TRIM38: variants seen among roughly 807,000 people sequenced by gnomAD.
The protein encoded by TRIM38 is tripartite motif containing 38, also known as E3 ubiquitin-protein ligase TRIM38.
A neutral mutation model predicts 35.8 loss-of-function variants in TRIM38; 35 were observed. The ratio of observed to expected loss-of-function variants is 0.98; its 90% CI spans 0.75 to 1.30. The LOEUF (loss-of-function observed/expected upper bound fraction) is 1.30. Ranked by LOEUF, TRIM38 falls within the 50% of genes most tolerant of loss-of-function variation. The pLI is 0.00. For missense variants in TRIM38, 545 were observed against 556.9 expected (o/e 0.98, Z 0.21); for synonymous variants, 198 against 204.7 (o/e 0.97, Z 0.28).
At chr6:25,981,088 A>G (rs1394966161) in intron 7 of TRIM38, among the ~76,000 whole-genome samples, 1 of 152,264 alleles carries the variant, frequency 6.6e-6, no homozygotes, top group African/African-American at 2.4e-5. Flanking sequence ...ACCCAGAACT[A>G]GGAACAGTTA....
In TRIM38 at chr6:25,990,003, T is replaced by G. The variant is rs1017339135; in HGVS notation, c.*6316T>G. ...ATGGCTTTCAATATTGTCTACTTTA[T>G]CATCCTTTTTTTTTTTTTCTTTCTT... is the stretch of plus-strand genomic sequence containing the variant. On this transcript the variant is annotated 3_prime_UTR_variant, in exon 8 of 8. Transcript: ENST00000357085. 6.9e-6 allele frequency: 1 copy of G among 145,138 alleles called. No individual in the cohort carries two copies. The highest frequency in any genetic ancestry group is 1.5e-5 in the Non-Finnish European group (1 of 66,072). 9.0% of individuals were successfully genotyped at this position (145,138 alleles called of 1,614,324 possible). A position where few individuals can be genotyped will look rare whatever the true frequency, so the allele number is the denominator to read the frequency against.
rs141368509 is a variant in TRIM38, at chr6:25,972,033, T to C, written c.672T>C (p.Asn224=). Residue 224 remains asparagine (N), a synonymous_variant, in exon 5 of 8, where the codon AAT becomes AAC. Coordinates refer to ENST00000357085, the MANE Select transcript of TRIM38 (RefSeq NM_006355.5). ...DYEAGLGLKS[N]ELKSHILELE... ...AGGCTGGTCTGGGGCTGAAGAGCAA[T>C]GAACTCAAGAGCCACATCCTGGAAC... The C allele has an allele frequency of 3.7e-5, 60 of 1,613,924 alleles. No individual in the cohort carries two copies. In the East Asian group the frequency reaches 1.3e-3, roughly 35 times the overall value.
At chr6:25,972,217 C>A in intron 5 of TRIM38, 118 bp downstream of exon 5, 1 of 900,638 alleles carries the variant, frequency 1.1e-6, no homozygotes, top group Non-Finnish European at 1.7e-6. Flanking sequence ...TCAGTGCCAT[C>A]AGGCTGGCCT....
Position 25,966,337 on chromosome 6 carries a change from C to T in TRIM38, c.-186C>T. ...CAGCCTCAACTTCTTCCTTTTAGGTCCTCTTTTCTTCAATACAAAATGAGA... is the reference window on the plus strand; with the variant it reads ...CAGCCTCAACTTCTTCCTTTTAGGTTCTCTTTTCTTCAATACAAAATGAGA... On this transcript the variant is annotated splice_region_variant and 5_prime_UTR_variant, in exon 3 of 8. Transcript: ENST00000357085. The T allele has an allele frequency of 1.7e-6, 1 of 586,190 alleles. No homozygotes were observed. The highest frequency in any genetic ancestry group is 3.8e-5 in the South Asian group (1 of 26,016). The allele number at this position is 586,190 out of a possible 1,614,324, so 36.3% of individuals were successfully genotyped here.
intron 7 of TRIM38, among the ~76,000 whole-genome samples, chr6:25,977,769 A>G (rs573007984): frequency 6.6e-6 from 1 of 152,274 alleles, no homozygotes; most frequent in South Asian, 2.1e-4. Context: ...TTTAGCTGTC[A>G]TCTTTGCTCT....
chr6:25,979,217 C>G (rs1760481033), intron 7 of TRIM38, among the ~76,000 whole-genome samples: 1 of 151,878 alleles, frequency 6.6e-6, no homozygotes, highest in Non-Finnish European at 1.5e-5. Context: ...TGCAGGAGTT[C>G]TATATCTATG....
Position 25,983,193 on chromosome 6 carries a change from C to G in TRIM38, c.904C>G (p.His302Asp). ...TGTGACTCTGGATCCAGATACAGCT[C>G]ATCACGAACTAATTCTCTCTGAGGA... Reference protein sequence around the residue: ...VSVTLDPDTAHHELILSEDRR... With the variant: ...VSVTLDPDTADHELILSEDRR... Residue 302 changes from histidine to aspartate, a missense_variant, in exon 8 of 8, where the codon CAT becomes GAT. Coordinates refer to ENST00000357085, the MANE Select transcript of TRIM38 (RefSeq NM_006355.5). 2 of 1,606,798 alleles carry G rather than the reference C, an allele frequency of 1.2e-6. No homozygotes were observed. The highest frequency in any genetic ancestry group is 1.7e-6 in the Non-Finnish European group (2 of 1,176,558).
intron 7 of TRIM38, among the ~76,000 whole-genome samples, chr6:25,978,843 T>G (rs958329991): frequency 5.4e-4 from 82 of 152,272 alleles, no homozygotes; most frequent in African/African-American, 1.8e-3. Context: ...ATTTTTCATA[T>G]TTTTTGTAGA....
chr6:25,965,922 TA>T (rs746283264), intron 2 of TRIM38, among the ~76,000 whole-genome samples: 732 of 129,062 alleles, frequency 5.7e-3, no homozygotes, highest in African/African-American at 5.5e-3. Context: ...TCCGTCTCAT[TA>T]AAAAAAAAAA....
In TRIM38 at chr6:25,989,265, GTATTCTTTGTA is replaced by G. The variant is rs1760789688; in HGVS notation, c.*5585_*5595del. The G allele has an allele frequency of 6.6e-6, 1 of 152,124 alleles. No homozygotes were observed. The highest frequency in any genetic ancestry group is 1.5e-5 in the Non-Finnish European group (1 of 68,018). The allele number at this position is 152,124 out of a possible 1,614,324, so 9.4% of individuals were successfully genotyped here. Reference sequence around the variant, plus strand: ...TTATTTTCTTACTGTTGAGTTTTAAGTATTCTTTGTATATTCTAAAAATATTGTTCTTCATC... The same window carrying G: ...TTATTTTCTTACTGTTGAGTTTTAAGTATTCTAAAAATATTGTTCTTCATC... On this transcript the variant is annotated 3_prime_UTR_variant, in exon 8 of 8. Transcript: ENST00000357085.
intron 7 of TRIM38, among the ~76,000 whole-genome samples, chr6:25,980,099 T>C (rs961688556): frequency 6.6e-6 from 1 of 152,230 alleles, no homozygotes; most frequent in African/African-American, 2.4e-5. Context: ...GTTCCATCTA[T>C]ACCTGAGAAA....
chr6:25,971,724 T>C, intron 4 of TRIM38, 145 bp from the exon 5 acceptor site: 3 of 686,046 alleles, frequency 4.4e-6, no homozygotes, highest in Non-Finnish European at 7.3e-6. Context: ...ATATTTGCCC[T>C]TTTGTTTCTG....
chr6:25,972,524 G>A (rs1460736741), intron 5 of TRIM38, among the ~76,000 whole-genome samples: 1 of 152,194 alleles, frequency 6.6e-6, no homozygotes, highest in African/African-American at 2.4e-5. Context: ...AACATCTGGA[G>A]CCATTAATTC....
At chr6:25,983,080 C>T in intron 7 of TRIM38, 84 bp from the exon 8 acceptor site, 1 of 1,370,074 alleles carries the variant, frequency 7.3e-7, no homozygotes, top group East Asian at 2.4e-5. Context: ...CAGCAACACT[C>T]CATCTCAAAA....
At chr6:25,967,074 T>C in intron 3 of TRIM38, 141 bp downstream of exon 3, 1 of 971,290 alleles carries the variant, frequency 1.0e-6, no homozygotes, top group Non-Finnish European at 1.5e-6. Flanking sequence ...AAATAGTTTA[T>C]GATGATTTCT....
At chr6:25,974,920 C>T in intron 7 of TRIM38, 1 of 985,362 alleles carries the variant, frequency 1.0e-6, no homozygotes, top group Non-Finnish European at 1.2e-6. Context: ...GAAGGAAGAA[C>T]AAGACTTTGT....
Position 25,965,051 on chromosome 6 carries a change from G to A in TRIM38, c.-188-1284G>A, listed in dbSNP as rs1002133377. Among the ~76,000 whole-genome samples the A allele has an allele frequency of 3.3e-5, 5 of 152,176 alleles. No individual in the cohort carries two copies. In the East Asian group the frequency reaches 9.6e-4, roughly 29 times the overall value. On this transcript the variant is annotated intron_variant, in intron 2 of 7. Transcript: ENST00000357085. ...TGGTCTCAAACTCCTGACCTCAGGT[G>A]ATCTGCCCGCCTCGGCTTCCCAAAG...
In TRIM38 at chr6:25,987,574, A is replaced by G. The variant is rs1760749204; in HGVS notation, c.*3887A>G. Reference sequence around the variant, plus strand: ...TGAATGTGAGAGTTTCTACATATGCATTGTGGGAAACACAAACATTTACTT... The same window carrying G: ...TGAATGTGAGAGTTTCTACATATGCGTTGTGGGAAACACAAACATTTACTT... On this transcript the variant is annotated 3_prime_UTR_variant, in exon 8 of 8. Transcript: ENST00000357085. 1 of 152,216 alleles carries G rather than the reference A, an allele frequency of 6.6e-6. No individual in the cohort carries two copies. 9.4% of individuals were successfully genotyped at this position (152,216 alleles called of 1,614,324 possible).
rs755754975 is a variant in TRIM38, at chr6:25,969,317, T to A, written c.412-8T>A. On this transcript the variant is annotated splice_polypyrimidine_tract_variant and splice_region_variant and intron_variant, in intron 3 of 7. Coordinates refer to ENST00000357085, the MANE Select transcript of TRIM38 (RefSeq NM_006355.5). Reference sequence around the variant, plus strand: ...GAATAGGCTTCACTTATCAAATTTTTCCTTCAGGAAAAGCTCCAGAAAGCT... The same window carrying A: ...GAATAGGCTTCACTTATCAAATTTTACCTTCAGGAAAAGCTCCAGAAAGCT... 3.7e-6 allele frequency: 6 copies of A among 1,610,880 alleles called. No homozygotes were observed. The highest frequency in any genetic ancestry group is 1.7e-5 in the Admixed American group (1 of 59,514).
Sources: allele counts gnomAD v4.1 joint callset (sites outside exome capture counted in the v4.1 genomes callset), GRCh38; gene constraint gnomAD v4.1.1; transcripts MANE v1.5; gene names NCBI Gene and HGNC (gene_info 2026-07-23, HGNC 2026-07-21).